The following SCN11A variants were observed in gnomAD, a reference collection of about 807,000 sequenced individuals.
SCN11A encodes the protein sodium channel protein type 11 subunit alpha.
Under a neutral mutation model 162.2 loss-of-function variants are expected in SCN11A, and 122 were observed. The observed-to-expected ratio is 0.75, with a 90% CI of 0.65 to 0.87. SCN11A has a LOEUF of 0.87. Among genes scored for constraint, SCN11A ranks in the 40% least tolerant of loss-of-function variants. The probability of loss-of-function intolerance (pLI) is 0.00; values close to 1 mark genes in which losing one functional copy is unlikely to be tolerated. For synonymous variants in SCN11A, 758 were observed against 751.5 expected (o/e 1.01, Z -0.14); for missense variants, 2,015 against 2,181.6 (o/e 0.92, Z 1.52).
rs891055066 is a variant in SCN11A, at chr3:39,001,375, A to G, written c.-280+31005T>C. Among the ~76,000 whole-genome samples, 4 of 152,190 alleles carry G rather than the reference A, an allele frequency of 2.6e-5. No individual in the cohort carries two copies. In the East Asian group the frequency reaches 7.7e-4, roughly 29 times the overall value. On this transcript the variant is annotated intron_variant, in intron 2 of 29. Coordinates refer to ENST00000302328, the MANE Select transcript of SCN11A (RefSeq NM_001349253.2). ...CTGGGCAAATAAATACGATTATATA[A>G]TATGTGGTCTTTTGGCTTCTTTCAC...
Position 38,904,016 on chromosome 3 carries a change from A to C in SCN11A, c.1691T>G (p.Leu564Arg). The change falls in exon 16 of 30, where the codon CTG becomes CGG. Residue 564 changes from leucine (L) to arginine (R), a missense_variant. Coordinates refer to ENST00000302328, the MANE Select transcript of SCN11A (RefSeq NM_001349253.2). ...YLVWNCCPQW[L>R]CVKKVLRTVM... ...AGTTCTCAGGACCTTCTTAACGCAC[A>C]GCCACTGGGGGCAACAGTTCCACAC... 2.5e-6 allele frequency: 4 copies of C among 1,613,014 alleles called. No individual in the cohort carries two copies. Among genetic ancestry groups the C allele is most frequent in the Non-Finnish European group, 3.4e-6 (4 of 1,179,720 alleles).
chr3:38,871,617 C>T lies in SCN11A; in HGVS notation c.3587G>A (p.Gly1196Glu), dbSNP rs745559210. The T allele has an allele frequency of 5.0e-6, 8 of 1,612,124 alleles. No individual in the cohort carries two copies. Among genetic ancestry groups the T allele is most frequent in the Non-Finnish European group, 5.9e-6 (7 of 1,178,670 alleles). ...LIFWLVFCIL[G>E]VYFFSGKFGK... ...AAATTTTCCAGAAAAGAAGTATACT[C>T]CCAGAATACAAAATACGAGCCAGAA... The change falls in exon 25 of 30, where the codon GGA becomes GAA. Residue 1196 changes from glycine to glutamate, a missense_variant. By Grantham distance (98) the Gly-to-Glu change is moderately conservative. Coordinates refer to ENST00000302328, the MANE Select transcript of SCN11A (RefSeq NM_001349253.2).
At chr3:38,895,366 G>A (rs1026696919) in intron 18 of SCN11A, among the ~76,000 whole-genome samples, 1 of 152,182 alleles carries the variant, frequency 6.6e-6, no homozygotes, top group African/African-American at 2.4e-5. Context: ...CAAGCCCAAT[G>A]TACAGTCCTT....
chr3:38,964,389 G>T (rs949676957), intron 2 of SCN11A, among the ~76,000 whole-genome samples: 1 of 152,178 alleles, frequency 6.6e-6, no homozygotes, highest in African/African-American at 2.4e-5. Context: ...AGAACACCAT[G>T]CTGTATCCTG....
chr3:38,860,400 G>A (rs1365825126), intron 28 of SCN11A, among the ~76,000 whole-genome samples: 1 of 152,038 alleles, frequency 6.6e-6, no homozygotes, highest in African/African-American at 2.4e-5. Flanking sequence ...TATGAAGCCA[G>A]TATCACCCTA....
At chr3:38,962,590 C>T (rs777902034) in intron 2 of SCN11A, among the ~76,000 whole-genome samples, 9 of 152,094 alleles carry the variant, frequency 5.9e-5, no homozygotes, top group Non-Finnish European at 1.3e-4. Flanking sequence ...TTGGCTCACA[C>T]CTGTAATCCT....
At chr3:38,953,377 A>G (rs2066644370) in intron 4 of SCN11A, among the ~76,000 whole-genome samples, 1 of 152,148 alleles carries the variant, frequency 6.6e-6, no homozygotes, top group Non-Finnish European at 1.5e-5. Context: ...TTACCTATGT[A>G]ACAAACCTAC....
At chr3:38,945,690 T>C (rs2066506218) in intron 6 of SCN11A, among the ~76,000 whole-genome samples, 178 bp from the exon 7 acceptor site, 1 of 152,224 alleles carries the variant, frequency 6.6e-6, no homozygotes, top group Non-Finnish European at 1.5e-5. Context: ...TGTCCCCTGC[T>C]GAATGGCAGC....
chr3:38,895,467 C>A (rs753640241), intron 18 of SCN11A, among the ~76,000 whole-genome samples: 1 of 152,186 alleles, frequency 6.6e-6, no homozygotes, highest in Non-Finnish European at 1.5e-5. Flanking sequence ...CCAAGCCAAG[C>A]GAGTTGGACC....
In SCN11A at chr3:38,951,584, G is replaced by A. The variant is rs1447757859; in HGVS notation, c.-7-1215C>T. On this transcript the variant is annotated intron_variant, in intron 4 of 29. Coordinates refer to ENST00000302328, the MANE Select transcript of SCN11A (RefSeq NM_001349253.2). ...GCAGCTCCACCTGCGGCCCCGGTGC[G>A]GGATCCACTGGGTGAAGCCAGCTGA... Among the ~76,000 whole-genome samples the A allele has an allele frequency of 2.6e-5, 4 of 152,262 alleles. No homozygotes were observed. In the South Asian group the frequency reaches 8.3e-4, roughly 31 times the overall value.
intron 15 of SCN11A, among the ~76,000 whole-genome samples, 158 bp downstream of exon 15, chr3:38,905,034 C>T (rs1045032282): frequency 6.6e-6 from 1 of 152,216 alleles, no homozygotes; most frequent in Non-Finnish European, 1.5e-5. Flanking sequence ...TGTTTACATG[C>T]TCCAAAGAGG....
chr3:38,855,260 TTC>T, intron 28 of SCN11A, among the ~76,000 whole-genome samples: 1 of 152,274 alleles, frequency 6.6e-6, no homozygotes, highest in East Asian at 1.9e-4. Flanking sequence ...TATCCCCCAC[TTC>T]TCTGGTGATC....
rs189347080 is a variant in SCN11A at position 38,957,420 on chromosome 3, G to A, written c.-139+2863C>T. ...AAAACATCTTCTGATTCAAACTAGA[G>A]AGACAAGATATCAAGCACGACAGGC... On this transcript the variant is annotated intron_variant, in intron 3 of 29. Coordinates refer to ENST00000302328, the MANE Select transcript of SCN11A (RefSeq NM_001349253.2). Among the ~76,000 whole-genome samples, 8 of 152,300 alleles carry A rather than the reference G, an allele frequency of 5.3e-5. No individual in the cohort carries two copies. The East Asian group carries it at 5.8e-4, about 11-fold the overall frequency.
At position 38,883,226 on chromosome 3, in the gene SCN11A, G is replaced by A. The variant is rs2065339184; in HGVS notation, c.3219+7C>T. On this transcript the variant is annotated splice_region_variant and intron_variant, in intron 22 of 29. Transcript: ENST00000302328. ...CCCAATGTCTCCACAAGACAATGAT[G>A]ATTTACCAGTGCCCCACTGCTCAGC... The A allele has an allele frequency of 6.2e-7, 1 of 1,610,408 alleles. No homozygotes were observed. Among genetic ancestry groups the A allele is most frequent in the African/African-American group, 1.3e-5 (1 of 74,828 alleles).
intron 1 of SCN11A, among the ~76,000 whole-genome samples, chr3:39,043,142 C>T (rs2032096425): frequency 6.6e-6 from 1 of 152,018 alleles, no homozygotes; most frequent in Non-Finnish European, 1.5e-5. Flanking sequence ...GTTAAAATGG[C>T]TTTTATCCAA....
At chr3:39,005,602 C>T (rs6775033) in intron 2 of SCN11A, among the ~76,000 whole-genome samples, 1 of 152,242 alleles carries the variant, frequency 6.6e-6, no homozygotes, top group African/African-American at 2.4e-5. Context: ...CATGTGACTT[C>T]AGCCCTTGTT....
At position 38,895,055 on chromosome 3, in the gene SCN11A, A is replaced by G. The variant is rs540850238; in HGVS notation, c.2404-91T>C. The G allele has an allele frequency of 4.3e-6, 5 of 1,170,120 alleles. No homozygotes were observed. The Admixed American group carries it at 1.3e-4, about 32-fold the overall frequency. The allele number at this position is 1,170,120 out of a possible 1,614,324, so 72.5% of individuals were successfully genotyped here. Reference sequence around the variant, plus strand: ...CAGGACAACTTTTCCCCAAGACTAAAAACAGAATCAAATTAGAGTTTTATG... The same window carrying G: ...CAGGACAACTTTTCCCCAAGACTAAGAACAGAATCAAATTAGAGTTTTATG... On this transcript the variant is annotated intron_variant, in intron 18 of 29. Coordinates refer to ENST00000302328, the MANE Select transcript of SCN11A (RefSeq NM_001349253.2).
At chr3:38,909,959 T>G in intron 12 of SCN11A, 107 bp downstream of exon 12, 1 of 1,031,976 alleles carries the variant, frequency 9.7e-7, no homozygotes, top group Non-Finnish European at 1.4e-6. Context: ...AAGTGGGGGA[T>G]GAATGGTAGT....
chr3:38,927,394 C>G (rs911256369), intron 7 of SCN11A, among the ~76,000 whole-genome samples: 2 of 152,060 alleles, frequency 1.3e-5, no homozygotes, highest in East Asian at 1.9e-4. Flanking sequence ...CCAGGGTGAT[C>G]TACAGATTCA....
Sources: gnomAD v4.1 joint callset for allele counts (sites outside exome capture counted in the v4.1 genomes callset) on GRCh38, gnomAD v4.1.1 for gene constraint, MANE v1.5 for transcripts, NCBI Gene and HGNC (gene_info 2026-07-23, HGNC 2026-07-21) for gene names.